The following PRSS23 variants were observed in gnomAD, a reference collection of about 807,000 sequenced individuals.
PRSS23 encodes the protein protease, serine 23.
A neutral mutation model predicts 34.7 loss-of-function variants in PRSS23; 25 were observed. The ratio of observed to expected loss-of-function variants is 0.72; its 90% CI spans 0.53 to 1.01. PRSS23 has a LOEUF of 1.01. Among genes scored for constraint, PRSS23 ranks in the 50% least tolerant of loss-of-function variants. The pLI is 0.00. For synonymous variants in PRSS23, 176 were observed against 186.6 expected (o/e 0.94, Z 0.46); for missense variants, 445 against 475.6 (o/e 0.94, Z 0.60).
chr11:86,800,794 C>T, intron 1 of PRSS23, 143 bp downstream of exon 1: 1 of 323,156 alleles, frequency 3.1e-6, no homozygotes, highest in Non-Finnish European at 4.5e-6. Context: ...CAGGGCAGTC[C>T]TCGGGGTTCC....
intron 2 of PRSS23, among the ~76,000 whole-genome samples, chr11:86,852,156 T>G (rs1197460427): frequency 2.0e-5 from 3 of 152,148 alleles, no homozygotes; most frequent in Non-Finnish European, 4.4e-5. Flanking sequence ...CTGTCCTCCC[T>G]GCGTGGTGCA....
At chr11:86,800,860 C>A (rs1326622368) in intron 1 of PRSS23, among the ~76,000 whole-genome samples, 1 of 152,044 alleles carries the variant, frequency 6.6e-6, no homozygotes, top group Non-Finnish European at 1.5e-5. Context: ...GGCTGCAGGT[C>A]ATTTGGATTC....
chr11:86,854,521 A>T (rs1022288268), intron 2 of PRSS23, among the ~76,000 whole-genome samples: 1 of 152,212 alleles, frequency 6.6e-6, no homozygotes, highest in African/African-American at 2.4e-5. Context: ...ATTTAGATGT[A>T]ATCCAAGGAA....
intron 2 of PRSS23, among the ~76,000 whole-genome samples, chr11:86,831,749 G>A (rs1236395271): frequency 1.3e-5 from 2 of 151,694 alleles, no homozygotes; most frequent in Non-Finnish European, 2.9e-5. Context: ...ATGTCATAAT[G>A]CTTGTACACC....
intron 2 of PRSS23, among the ~76,000 whole-genome samples, chr11:86,883,589 G>T (rs939696703): frequency 1.3e-5 from 2 of 152,200 alleles, no homozygotes; most frequent in African/African-American, 4.8e-5. Context: ...CATGGGCAAA[G>T]ATTTCATGAT....
intron 2 of PRSS23, among the ~76,000 whole-genome samples, chr11:86,941,668 A>G (rs1949208096): frequency 6.6e-6 from 1 of 152,208 alleles, no homozygotes; most frequent in Admixed American, 6.5e-5. Flanking sequence ...AGTGTTCTAT[A>G]TACAGTAGAC....
intron 2 of PRSS23, among the ~76,000 whole-genome samples, chr11:86,891,096 A>AC (rs1462935530): frequency 2.0e-5 from 3 of 151,314 alleles, no homozygotes; most frequent in Non-Finnish European, 2.9e-5. Flanking sequence ...CCACTGTTCC[A>AC]CCCCCAGCTC....
At chr11:86,833,417 G>A (rs1223473386) in intron 2 of PRSS23, 3 of 595,936 alleles carry the variant, frequency 5.0e-6, no homozygotes, top group African/African-American at 1.9e-5. Context: ...GAGAGTTCTA[G>A]GAGGAGGAAT....
chr11:86,932,887 TG>T (rs2135017631), intron 2 of PRSS23: 1 of 152,386 alleles, frequency 6.6e-6, no homozygotes, highest in East Asian at 1.9e-4. Flanking sequence ...GGTTGGTCAC[TG>T]TTGTGGCTTC....
chr11:86,887,237 A>G (rs1590913576), intron 2 of PRSS23, among the ~76,000 whole-genome samples: 1 of 152,152 alleles, frequency 6.6e-6, no homozygotes, highest in Non-Finnish European at 1.5e-5. Context: ...CCCAAATGCA[A>G]TATCTGGAGG....
At chr11:86,869,525 C>G (rs1414763189) in intron 2 of PRSS23, among the ~76,000 whole-genome samples, 1 of 152,046 alleles carries the variant, frequency 6.6e-6, no homozygotes, top group Non-Finnish European at 1.5e-5. Context: ...ATGGTAAGTA[C>G]TAGAAATGGC....
At chr11:86,873,197 TACAC>T (rs111989090) in intron 2 of PRSS23, among the ~76,000 whole-genome samples, 51,400 of 132,308 alleles carry the variant, frequency 0.39, 10,237 homozygotes, top group East Asian at 0.48. Context: ...TACATATATA[TACAC>T]ACACACACAC....
Position 86,939,426 on chromosome 11 carries a change from A to ATATATATATATATATTTT in PRSS23, c.207-11789_207-11788insATATATATATATATTTTT. Among the ~76,000 whole-genome samples, 9 of 94,064 alleles carry ATATATATATATATATTTT rather than the reference A, an allele frequency of 9.6e-5. No homozygotes were observed. The South Asian group carries it at 1.1e-3, about 11-fold the overall frequency. 61.7% of individuals were successfully genotyped at this position (94,064 alleles called of 152,430 possible). ...AAAATATATATATATATATATATAT[A>ATATATATATATATATTTT]TTTTTTAACATGAGTAAAAATTGCA... On this transcript the variant is annotated intron_variant, in intron 2 of 2. Coordinates refer to the PRSS23 transcript ENST00000533902.
At chr11:86,857,589 G>C in intron 2 of PRSS23, 2 of 500,280 alleles carry the variant, frequency 4.0e-6, no homozygotes, top group Non-Finnish European at 8.2e-6. Context: ...AAGACACAGA[G>C]GTGAGGATTC....
At chr11:86,823,327 T>A (rs975316170) in intron 1 of PRSS23, 5 of 695,158 alleles carry the variant, frequency 7.2e-6, no homozygotes, top group Non-Finnish European at 1.3e-5. Context: ...CCTAATTTAG[T>A]GTAAAGCCAG....
chr11:86,828,966 A>T (rs1948327394), intron 2 of PRSS23, among the ~76,000 whole-genome samples: 1 of 149,960 alleles, frequency 6.7e-6, no homozygotes, highest in Admixed American at 6.6e-5. Flanking sequence ...TCTGACAATT[A>T]TGTGTCTTGG....
At chr11:86,942,185 A>G (rs1949211476) in intron 2 of PRSS23, among the ~76,000 whole-genome samples, 1 of 152,234 alleles carries the variant, frequency 6.6e-6, no homozygotes, top group Admixed American at 6.5e-5. Context: ...AGGAAAGGGA[A>G]GCAGGAAGTG....
intron 2 of PRSS23, among the ~76,000 whole-genome samples, chr11:86,853,420 A>AT (rs1565366486): frequency 2.0e-5 from 3 of 150,056 alleles, no homozygotes; most frequent in African/African-American, 7.4e-5. Context: ...TGCCTGGCTA[A>AT]TTTTTTGTAT....
intron 2 of PRSS23, among the ~76,000 whole-genome samples, chr11:86,885,073 A>C (rs1948793882): frequency 6.6e-6 from 1 of 152,192 alleles, no homozygotes; most frequent in Admixed American, 6.5e-5. Flanking sequence ...CATTTATTTT[A>C]TTTATCTCTA....
Sources: gnomAD v4.1 joint callset for allele counts (sites outside exome capture counted in the v4.1 genomes callset) on GRCh38, gnomAD v4.1.1 for gene constraint, MANE v1.5 for transcripts, NCBI Gene and HGNC (gene_info 2026-07-23, HGNC 2026-07-21) for gene names.